Variants in ACTR1B observed in about 807,000 individuals in gnomAD.
ACTR1B encodes the protein beta-centractin.
ACTR1B carries 34 observed loss-of-function variants against 49.4 expected under a neutral mutation model. That is an observed-to-expected ratio of 0.69 (90% confidence interval 0.52 to 0.92). The LOEUF is 0.92. Among genes scored for constraint, ACTR1B ranks in the 40% least tolerant of loss-of-function variants. The pLI, the probability that ACTR1B is intolerant of heterozygous loss-of-function variation, is 0.00. For missense variants in ACTR1B, 471 were observed against 522.4 expected (o/e 0.90, Z 0.96); for synonymous variants, 207 against 207.8 (o/e 1.00, Z 0.03).
intron 10 of ACTR1B, 33 bp downstream of exon 10, chr2:97,657,116 TCTC>T: frequency 6.2e-7 from 1 of 1,605,998 alleles, no homozygotes; most frequent in South Asian, 1.1e-5. Context: ...GGTAAAGTGG[TCTC>T]CTCCCAGAGC....
At chr2:97,662,996 A>G (rs1408851830) in intron 1 of ACTR1B, among the ~76,000 whole-genome samples, 1 of 152,160 alleles carries the variant, frequency 6.6e-6, no homozygotes, top group Non-Finnish European at 1.5e-5. Flanking sequence ...AGATCCCAGA[A>G]AGAGCACAAG....
chr2:97,663,259 G>C (rs1242643277), intron 1 of ACTR1B, among the ~76,000 whole-genome samples: 1 of 152,222 alleles, frequency 6.6e-6, no homozygotes, highest in Admixed American at 6.5e-5. Context: ...GAGTGGCCAT[G>C]AACTCTCCAT....
intron 1 of ACTR1B, among the ~76,000 whole-genome samples, chr2:97,663,203 T>C (rs1310975445): frequency 6.6e-6 from 1 of 152,206 alleles, no homozygotes; most frequent in Non-Finnish European, 1.5e-5. Flanking sequence ...ATCTTTCCTC[T>C]GAGGCTTCCA....
At position 97,659,797 on chromosome 2, in the gene ACTR1B, C is replaced by G. The variant is rs560602304; in HGVS notation, c.190-320G>C. 4.9e-6 allele frequency: 2 copies of G among 411,610 alleles called. No individual in the cohort carries two copies. Among genetic ancestry groups the G allele is most frequent in the East Asian group, 1.0e-4 (2 of 19,304 alleles). The allele number at this position is 411,610 out of a possible 1,614,324, so 25.5% of individuals were successfully genotyped here. A position where few individuals can be genotyped will look rare whatever the true frequency, so the allele number is the denominator to read the frequency against. On this transcript the variant is annotated intron_variant, in intron 3 of 10. Transcript: ENST00000289228. This position sits in a 1 kb window ranked among gnomAD's most constrained non-coding sequence, Gnocchi z 4.0. ...GCACATCCCCCACATTCTCCTCACA[C>G]TCTGCCAGCTCCCCTCTGGCCAGCG...
At position 97,660,704 on chromosome 2, in the gene ACTR1B, A is replaced by G. The variant is rs532612317; in HGVS notation, c.114-58T>C. On this transcript the variant is annotated intron_variant, in intron 2 of 10. Transcript: ENST00000289228. ...AGGGAGCATGGCAGAGCTTGTGTCC[A>G]GAAAAACCGAAATCCAACCATAGTC... The G allele has an allele frequency of 4.5e-6, 7 of 1,549,146 alleles. No individual in the cohort carries two copies. The East Asian group carries it at 1.6e-4, about 35-fold the overall frequency.
intron 8 of ACTR1B, 46 bp from the exon 9 acceptor site, chr2:97,657,555 C>T: frequency 6.3e-7 from 1 of 1,596,886 alleles, no homozygotes; most frequent in Non-Finnish European, 8.6e-7. Context: ...ACCCGGCCTC[C>T]TCGCTGCTAG....
At chr2:97,657,331 G>A (rs1674871824) in intron 9 of ACTR1B, 117 bp downstream of exon 9, 8 of 1,490,774 alleles carry the variant, frequency 5.4e-6, no homozygotes, top group Middle Eastern at 1.9e-4. Flanking sequence ...GCCTTGGGAA[G>A]AACAGGACTA....
chr2:97,659,280 G>T lies in ACTR1B; in HGVS notation c.315+72C>A. ...TGTAGAAGGGAAATGTGGGAGCCCG[G>T]CGAGGAGGGACGCAGAGGAGAGGGG... On this transcript the variant is annotated intron_variant, in intron 4 of 10. Coordinates refer to ENST00000289228, the MANE Select transcript of ACTR1B (RefSeq NM_005735.4). This position sits in a 1 kb window ranked among gnomAD's most constrained non-coding sequence, Gnocchi z 4.0. The T allele has an allele frequency of 6.2e-7, 1 of 1,602,286 alleles. No homozygotes were observed.
rs1439425194 is a variant in ACTR1B at position 97,658,278 on chromosome 2, C to T, written c.696G>A (p.Glu232=). The change falls in exon 7 of 11, where the codon GAG becomes GAA. Residue 232 remains glutamate (E), a synonymous_variant. Transcript: ENST00000289228. This position sits in a 1 kb window ranked among gnomAD's most constrained non-coding sequence, Gnocchi z 5.9. ...CYLSINPQKD[E]ALETEKVQYT... is the part of the protein sequence containing the mutation. Reference sequence around the variant, plus strand: ...ACTGCACCTTCTCCGTCTCCAGAGCCTCATCCTTCTGTGGGTTGATGGACA... The same window carrying T: ...ACTGCACCTTCTCCGTCTCCAGAGCTTCATCCTTCTGTGGGTTGATGGACA... The T allele has an allele frequency of 1.2e-6, 2 of 1,614,202 alleles. No individual in the cohort carries two copies. Among genetic ancestry groups the T allele is most frequent in the Non-Finnish European group, 1.7e-6 (2 of 1,180,032 alleles).
intron 1 of ACTR1B, among the ~76,000 whole-genome samples, 189 bp downstream of exon 1, chr2:97,663,654 C>G (rs1412230899): frequency 1.3e-5 from 2 of 151,880 alleles, no homozygotes; most frequent in Non-Finnish European, 2.9e-5. Flanking sequence ...GGCGAGGGGG[C>G]TCGCCCCATG....
rs975298831 is a variant in ACTR1B, at chr2:97,658,821, A to G, written c.440+58T>C. 1 of 1,611,270 alleles carries G rather than the reference A, an allele frequency of 6.2e-7. No individual in the cohort carries two copies. Among genetic ancestry groups the G allele is most frequent in the Admixed American group, 1.7e-5 (1 of 59,964 alleles). On this transcript the variant is annotated intron_variant, in intron 5 of 10. Coordinates refer to ENST00000289228, the MANE Select transcript of ACTR1B (RefSeq NM_005735.4). The surrounding 1 kb of genome is among the most constrained non-coding windows in gnomAD (Gnocchi z 5.9). ...AGGGAAGTCAGACCCTGGTCATGGC[A>G]AGCAGGACGGCACAGGGAGGACAGG...
chr2:97,658,654 G>C lies in ACTR1B; in HGVS notation c.441-11C>G. 6.2e-7 allele frequency: 1 copy of C among 1,613,286 alleles called. No individual in the cohort carries two copies. Among genetic ancestry groups the C allele is most frequent in the Non-Finnish European group, 8.5e-7 (1 of 1,179,904 alleles). On this transcript the variant is annotated splice_polypyrimidine_tract_variant and intron_variant, in intron 5 of 10. Coordinates refer to ENST00000289228, the MANE Select transcript of ACTR1B (RefSeq NM_005735.4). The surrounding 1 kb of genome is among the most constrained non-coding windows in gnomAD (Gnocchi z 5.9). Reference sequence around the variant, plus strand: ...CGTCCTGTTGCGTACCTGTCACCAGGTCAGCATCCCCTCACCTCAGCCACT... The same window carrying C: ...CGTCCTGTTGCGTACCTGTCACCAGCTCAGCATCCCCTCACCTCAGCCACT...
In ACTR1B at chr2:97,656,712, C is replaced by T; in HGVS notation, c.*146G>A. ...ATGTCCTGTGTAGAGGGGAAGGCTG[C>T]AGGGGGGCACTGCTGTGCCACCCAC... On this transcript the variant is annotated 3_prime_UTR_variant, in exon 11 of 11. Transcript: ENST00000289228. 3.0e-6 allele frequency: 2 copies of T among 655,950 alleles called. No homozygotes were observed. The highest frequency in any genetic ancestry group is 5.4e-5 in the East Asian group (2 of 36,874). The allele number at this position is 655,950 out of a possible 1,614,324, so 40.6% of individuals were successfully genotyped here.
At chr2:97,660,011 C>T (rs1336201271) in intron 3 of ACTR1B, 1 of 186,526 alleles carries the variant, frequency 5.4e-6, no homozygotes, top group Non-Finnish European at 1.1e-5. Flanking sequence ...GCTCCTCTCA[C>T]CACCTCGGCT....
chr2:97,658,373 G>T lies in ACTR1B; in HGVS notation c.657+54C>A. On this transcript the variant is annotated intron_variant, in intron 6 of 10. Coordinates refer to ENST00000289228, the MANE Select transcript of ACTR1B (RefSeq NM_005735.4). This position sits in a 1 kb window ranked among gnomAD's most constrained non-coding sequence, Gnocchi z 5.9. Reference sequence around the variant, plus strand: ...CTGCACCTGGGACACCTGTGCCTTGGTGCCACCCTTTCCTCACCCCAGGTC... The same window carrying T: ...CTGCACCTGGGACACCTGTGCCTTGTTGCCACCCTTTCCTCACCCCAGGTC... The T allele has an allele frequency of 2.5e-6, 4 of 1,613,680 alleles. No homozygotes were observed. The highest frequency in any genetic ancestry group is 2.5e-6 in the Non-Finnish European group (3 of 1,179,694).
At chr2:97,660,431 G>A in intron 3 of ACTR1B, 140 bp downstream of exon 3, 3 of 759,788 alleles carry the variant, frequency 3.9e-6, no homozygotes, top group Non-Finnish European at 6.7e-6. Flanking sequence ...ATCTCAGGGG[G>A]AGGTGCCCCT....
Position 97,658,987 on chromosome 2 carries a change from G to A in ACTR1B, c.332C>T (p.Thr111Met), listed in dbSNP as rs780700382. ...TFSEEHPVLLTEAPLNPSKNR... is the reference protein window; with the variant it reads ...TFSEEHPVLLMEAPLNPSKNR... ...CTTACTCGGGTTGAGCGGGGCCTCC[G>A]TGAGGAGCACAGGATGCTGCGAGGG... is the stretch of plus-strand genomic sequence containing the variant. Residue 111 changes from threonine (T) to methionine (M), a missense_variant, in exon 5 of 11, where the codon ACG becomes ATG. Physicochemically the swap from Thr to Met is moderately conservative, Grantham distance 81 (BLOSUM62 -1). Transcript: ENST00000289228. This position sits in a 1 kb window ranked among gnomAD's most constrained non-coding sequence, Gnocchi z 5.9. The A allele has an allele frequency of 1.9e-5, 31 of 1,614,000 alleles. 1 individual carries two copies. In the Admixed American group the frequency reaches 4.2e-4, roughly 22 times the overall value.
Position 97,659,314 on chromosome 2 carries a change from G to A in ACTR1B, c.315+38C>T. 1 of 1,613,108 alleles carries A rather than the reference G, an allele frequency of 6.2e-7. No individual in the cohort carries two copies. The highest frequency in any genetic ancestry group is 2.2e-5 in the East Asian group (1 of 44,890). On this transcript the variant is annotated intron_variant, in intron 4 of 10. Coordinates refer to ENST00000289228, the MANE Select transcript of ACTR1B (RefSeq NM_005735.4). The surrounding 1 kb of genome is among the most constrained non-coding windows in gnomAD (Gnocchi z 4.0). ...GACGCAGAGGAGAGGGGCATGGCCA[G>A]GAGAATGCAGAGCATGCAGGAGGGG... is the stretch of plus-strand genomic sequence containing the variant.
rs985588919 is a variant in ACTR1B, at chr2:97,659,825, G to A, written c.190-348C>T. On this transcript the variant is annotated intron_variant, in intron 3 of 10. Coordinates refer to ENST00000289228, the MANE Select transcript of ACTR1B (RefSeq NM_005735.4). This position sits in a 1 kb window ranked among gnomAD's most constrained non-coding sequence, Gnocchi z 4.0. Reference sequence around the variant, plus strand: ...TGCCAGCTCCCCTCTGGCCAGCGCCGGCACCTTGCAGCCGCCCAACACGGC... The same window carrying A: ...TGCCAGCTCCCCTCTGGCCAGCGCCAGCACCTTGCAGCCGCCCAACACGGC... 38 of 349,928 alleles carry A rather than the reference G, an allele frequency of 1.1e-4. No homozygotes were observed. The highest frequency in any genetic ancestry group is 9.1e-4 in the Middle Eastern group (1 of 1,104). 21.7% of individuals were successfully genotyped at this position (349,928 alleles called of 1,614,324 possible).
Sources: allele counts gnomAD v4.1 joint callset (sites outside exome capture counted in the v4.1 genomes callset), GRCh38; gene constraint gnomAD v4.1.1; non-coding constraint Gnocchi (gnomAD v3.1); transcripts MANE v1.5; gene names NCBI Gene and HGNC (gene_info 2026-07-23, HGNC 2026-07-21).